The following ABLIM1 variants were observed in gnomAD, a reference collection of about 807,000 sequenced individuals.
ABLIM1 encodes the protein actin-binding LIM protein 1.
Under a neutral mutation model 107.0 loss-of-function variants are expected in ABLIM1, and 40 were observed. The ratio of observed to expected loss-of-function variants is 0.37; its 90% CI spans 0.29 to 0.49. ABLIM1 has a LOEUF of 0.49. ABLIM1 is among the 20% of genes least tolerant of loss of function. ABLIM1 has a pLI of 0.97. For missense variants in ABLIM1, 857 were observed against 1,008.5 expected (o/e 0.85, Z 2.04); for synonymous variants, 357 against 357.3 (o/e 1.00, Z 0.01).
chr10:114,783,740 G>A, the ABLIM1 span, among the ~76,000 whole-genome samples: 1 of 151,926 alleles, frequency 6.6e-6, no homozygotes, highest in Non-Finnish European at 1.5e-5. Context: ...GCCCTGATTT[G>A]TAGCATTTGC....
chr10:114,640,156 T>C (rs2078673172), intron 1 of ABLIM1, among the ~76,000 whole-genome samples: 1 of 152,208 alleles, frequency 6.6e-6, no homozygotes, highest in Non-Finnish European at 1.5e-5. Flanking sequence ...CTGTCTTCCT[T>C]TTAGCCCTTC....
chr10:114,450,075 C>A, intron 14 of ABLIM1: 3 of 389,468 alleles, frequency 7.7e-6, no homozygotes, highest in East Asian at 9.3e-5. Context: ...TGTAAGTTGA[C>A]AAATCAAATG....
rs1589609541 is a variant in ABLIM1 at position 114,434,954 on chromosome 10, C to G, written c.*1306G>C. ...AGTGATGTTGGGGTCGCAGTTTAGC[C>G]TCACTCTTGATCTTTGAGTCACACA... On this transcript the variant is annotated 3_prime_UTR_variant, in exon 23 of 23. Transcript: ENST00000533213. The G allele has an allele frequency of 6.6e-6, 1 of 152,150 alleles. No homozygotes were observed. The highest frequency in any genetic ancestry group is 2.4e-5 in the African/African-American group (1 of 41,414). The allele number at this position is 152,150 out of a possible 1,614,324, so 9.4% of individuals were successfully genotyped here.
chr10:114,456,318 C>T (rs1196451047), intron 12 of ABLIM1, among the ~76,000 whole-genome samples: 1 of 152,122 alleles, frequency 6.6e-6, no homozygotes, highest in Non-Finnish European at 1.5e-5. Flanking sequence ...ATAAGTTTCC[C>T]ATTACAGCTA....
chr10:114,761,866 T>A (rs2082753669), intron 1 of ABLIM1, among the ~76,000 whole-genome samples: 1 of 152,192 alleles, frequency 6.6e-6, no homozygotes. Context: ...GTCCAACTCA[T>A]TCTTCAAGAA....
chr10:114,471,539 C>G (rs140292967), intron 10 of ABLIM1, among the ~76,000 whole-genome samples: 1 of 152,244 alleles, frequency 6.6e-6, no homozygotes, highest in East Asian at 1.9e-4. Context: ...GCAGCTACAG[C>G]TAAGTGACCA....
At chr10:114,554,513 A>G (rs957314261) in intron 4 of ABLIM1, among the ~76,000 whole-genome samples, 41 of 152,204 alleles carry the variant, frequency 2.7e-4, no homozygotes, top group African/African-American at 9.9e-4. Flanking sequence ...CCTAGGCAAT[A>G]TAGTGAGACC....
At chr10:114,789,541 C>A in the ABLIM1 span, among the ~76,000 whole-genome samples, 18 of 152,250 alleles carry the variant, frequency 1.2e-4, no homozygotes, top group South Asian at 3.1e-3. Context: ...TACACTCCCA[C>A]CAGAAGTGTA....
At chr10:114,510,686 C>T (rs767669760) in intron 6 of ABLIM1, among the ~76,000 whole-genome samples, 5 of 151,638 alleles carry the variant, frequency 3.3e-5, no homozygotes, top group African/African-American at 7.3e-5. Flanking sequence ...GTCTCACTCC[C>T]ATTACCCAGG....
At chr10:114,492,005 C>T in intron 6 of ABLIM1, 127 bp from the exon 7 acceptor site, 1 of 741,424 alleles carries the variant, frequency 1.3e-6, no homozygotes, top group Non-Finnish European at 2.1e-6. Context: ...TCTAATTGAC[C>T]AAACTTCCTA....
the ABLIM1 span, among the ~76,000 whole-genome samples, chr10:114,785,264 G>A: frequency 6.6e-6 from 1 of 152,190 alleles, no homozygotes. Flanking sequence ...CATCAGATGT[G>A]GGAAGGCACT....
In ABLIM1 at chr10:114,441,727, G is replaced by A. The variant is rs757835582; in HGVS notation, c.1993C>T (p.His665Tyr). 3.1e-6 allele frequency: 5 copies of A among 1,613,622 alleles called. No homozygotes were observed. Among genetic ancestry groups the A allele is most frequent in the Non-Finnish European group, 4.2e-6 (5 of 1,179,520 alleles). The change falls in exon 18 of 23, where the codon CAC (histidine) becomes TAC (tyrosine). Residue 665 changes from histidine to tyrosine, a missense_variant. His to Tyr is a moderately conservative substitution (Grantham distance 83). Coordinates refer to ENST00000533213, the MANE Select transcript of ABLIM1 (RefSeq NM_002313.7). ...SLPGYGRNGL[H>Y]RPVSTDFAQY... is the part of the protein sequence containing the mutation. ...GAATCGGGGAGAAATCTTACCCGGT[G>A]AAGCCCATTTCTTCCATAGCCAGGG... is the stretch of plus-strand genomic sequence containing the variant.
chr10:114,447,895 A>G lies in ABLIM1; in HGVS notation c.1720T>C (p.Ser574Pro). 6.2e-7 allele frequency: 1 copy of G among 1,614,002 alleles called. No homozygotes were observed. The highest frequency in any genetic ancestry group is 8.5e-7 in the Non-Finnish European group (1 of 1,179,978). ...IETDHWPGPP[S>P]FAVVGPDMKR... ...AGTTGCATACCTACGACAGCAAATG[A>G]GGGGGGACCAGGCCAGTGGTCCGTC... The change falls in exon 15 of 23, where the codon TCA becomes CCA. Residue 574 changes from serine (S) to proline (P), a missense_variant. Ser to Pro is a moderately conservative substitution (Grantham distance 74). Around this residue, in one of 5 missense-constraint regions of ABLIM1, gnomAD observed 103 missense variants for 101.0 expected, o/e 1.02. Transcript: ENST00000533213.
At chr10:114,558,902 A>AGAGTGTGT (rs1555174144) in intron 4 of ABLIM1, among the ~76,000 whole-genome samples, 24 of 148,608 alleles carry the variant, frequency 1.6e-4, no homozygotes, top group African/African-American at 5.9e-4. Context: ...AGGGAGAACT[A>AGAGTGTGT]GTGTGTGTGT....
intron 1 of ABLIM1, among the ~76,000 whole-genome samples, chr10:114,674,977 A>T (rs757948106): frequency 1.3e-5 from 2 of 152,098 alleles, no homozygotes; most frequent in Admixed American, 6.6e-5. Flanking sequence ...CTATATGAGC[A>T]CACGGCTCTT....
chr10:114,596,105 T>G (rs1184261378), intron 2 of ABLIM1, among the ~76,000 whole-genome samples: 1 of 152,184 alleles, frequency 6.6e-6, no homozygotes, highest in African/African-American at 2.4e-5. Flanking sequence ...TCCCATTCAG[T>G]CAGTCATCAA....
chr10:114,732,208 G>T (rs2082091000), intron 1 of ABLIM1, among the ~76,000 whole-genome samples: 1 of 118,786 alleles, frequency 8.4e-6, no homozygotes, highest in Non-Finnish European at 1.6e-5. Context: ...TTTTGAGACA[G>T]AGTCTCGCTC....
intron 2 of ABLIM1, among the ~76,000 whole-genome samples, chr10:114,586,909 T>C (rs1034293620): frequency 6.6e-6 from 1 of 152,218 alleles, no homozygotes; most frequent in Non-Finnish European, 1.5e-5. Context: ...CGTTAGGAAT[T>C]AGATAATACA....
Position 114,585,916 on chromosome 10 carries a change from C to T in ABLIM1, c.380-10317G>A, listed in dbSNP as rs191224791. On this transcript the variant is annotated intron_variant, in intron 2 of 22. Transcript: ENST00000533213. ...TCTCCTCGTCTCGACTGCAAGCTTACTGAAGGCAAAGACCACTTCTTATGC... is the reference window on the plus strand; with the variant it reads ...TCTCCTCGTCTCGACTGCAAGCTTATTGAAGGCAAAGACCACTTCTTATGC... 4.6e-5 allele frequency among the ~76,000 whole-genome samples: 7 copies of T among 152,330 alleles called. No individual in the cohort carries two copies. The East Asian group carries it at 1.3e-3, about 29-fold the overall frequency.
Sources: gnomAD v4.1 joint callset for allele counts (sites outside exome capture counted in the v4.1 genomes callset) on GRCh38, gnomAD v4.1.1 for gene constraint, gnomAD v4.1.1 regional missense constraint, MANE v1.5 for transcripts, NCBI Gene and HGNC (gene_info 2026-07-23, HGNC 2026-07-21) for gene names.